The following UNC5D variants were observed in gnomAD, a reference collection of about 807,000 sequenced individuals.
UNC5D encodes unc-5 netrin receptor D, also known as netrin receptor UNC5D.
Under a neutral mutation model 105.4 loss-of-function variants are expected in UNC5D, and 39 were observed. That is an observed-to-expected ratio of 0.37 (90% CI 0.29 to 0.48). The LOEUF is 0.48. Among genes scored for constraint, UNC5D ranks in the 20% least tolerant of loss-of-function variants. The pLI is 0.98. For synonymous variants in UNC5D, 452 were observed against 450.4 expected, an observed-to-expected ratio of 1.00 and a Z score of -0.04; for missense variants, 991 against 1,202.4, an observed-to-expected ratio of 0.82 and a Z score of 2.60.
chr8:35,472,562 AC>A (rs1809806730), intron 1 of UNC5D, among the ~76,000 whole-genome samples: 1 of 152,198 alleles, frequency 6.6e-6, no homozygotes, highest in Non-Finnish European at 1.5e-5. Flanking sequence ...ATGATAGCAC[AC>A]TTATCAGAAG....
At chr8:35,392,698 C>A (rs978459080) in intron 1 of UNC5D, among the ~76,000 whole-genome samples, 10 of 152,130 alleles carry the variant, frequency 6.6e-5, no homozygotes. Context: ...TAAAGTAATA[C>A]TCACAGGTTC....
intron 4 of UNC5D, among the ~76,000 whole-genome samples, chr8:35,609,228 ATCCTTTG>A (rs1178360461): frequency 4.6e-5 from 7 of 152,134 alleles, no homozygotes; most frequent in African/African-American, 2.4e-5. Flanking sequence ...GTATATTCAT[ATCCTTTG>A]CCCAACTCTT....
intron 1 of UNC5D, among the ~76,000 whole-genome samples, chr8:35,444,038 A>G (rs189489925): frequency 5.5e-4 from 84 of 152,194 alleles, no homozygotes; most frequent in South Asian, 1.7e-3. Context: ...GACAGATTAT[A>G]ACACAAGAAT....
intron 1 of UNC5D, among the ~76,000 whole-genome samples, chr8:35,536,403 C>T (rs1020883971): frequency 6.6e-6 from 1 of 152,192 alleles, no homozygotes; most frequent in Non-Finnish European, 1.5e-5. Flanking sequence ...ATGTCTTAGG[C>T]GATTTCCAGA....
At chr8:35,294,543 C>G (rs945545875) in intron 1 of UNC5D, among the ~76,000 whole-genome samples, 5 of 152,054 alleles carry the variant, frequency 3.3e-5, no homozygotes, top group East Asian at 1.9e-4. Flanking sequence ...TCTCTTGAAT[C>G]TTGAATCTAT....
In UNC5D at chr8:35,657,700, G is replaced by T. The variant is rs191626624; in HGVS notation, c.571-25847G>T. On this transcript the variant is annotated intron_variant, in intron 4 of 16. Transcript: ENST00000404895. ...CGAATTTTGTTATATTGCACAACCTGGTCTCAAACTTATGACCTCAAGTGA... is the reference window on the plus strand; with the variant it reads ...CGAATTTTGTTATATTGCACAACCTTGTCTCAAACTTATGACCTCAAGTGA... 3.6e-4 allele frequency among the ~76,000 whole-genome samples: 55 copies of T among 152,130 alleles called. No homozygotes were observed. In the East Asian group the frequency reaches 9.7e-3, roughly 27 times the overall value.
chr8:35,345,481 G>C (rs528958810), intron 1 of UNC5D, among the ~76,000 whole-genome samples: 42 of 151,934 alleles, frequency 2.8e-4, no homozygotes, highest in Non-Finnish European at 5.7e-4. Context: ...AAATACATTT[G>C]AATAACACAT....
At position 35,251,403 on chromosome 8, in the gene UNC5D, C is replaced by T. The variant is rs373471971; in HGVS notation, c.103+15516C>T. 4.3e-3 allele frequency among the ~76,000 whole-genome samples: 660 copies of T among 152,226 alleles called. 9 individuals are homozygous for T. Among genetic ancestry groups the T allele is most frequent in the African/African-American group, 0.015 (606 of 41,518 alleles). Reference sequence around the variant, plus strand: ...CCCCCATGATTCAATTATCTCCCACCGGATCCCTCCCACAACACGTGGGGA... The same window carrying T: ...CCCCCATGATTCAATTATCTCCCACTGGATCCCTCCCACAACACGTGGGGA... On this transcript the variant is annotated intron_variant, in intron 1 of 16. Transcript: ENST00000404895.
intron 1 of UNC5D, among the ~76,000 whole-genome samples, chr8:35,534,596 T>TA (rs1814694127): frequency 6.6e-6 from 1 of 151,676 alleles, no homozygotes; most frequent in Admixed American, 6.6e-5. Flanking sequence ...CAATTCAAAA[T>TA]AGCTCTGTTT....
At chr8:35,626,130 G>T (rs553275986) in intron 4 of UNC5D, among the ~76,000 whole-genome samples, 54 of 151,458 alleles carry the variant, frequency 3.6e-4, no homozygotes, top group African/African-American at 1.2e-3. Flanking sequence ...AGGGGCAGCT[G>T]ACCTCATGTT....
At chr8:35,769,336 A>C (rs572225336) in intron 15 of UNC5D, among the ~76,000 whole-genome samples, 1 of 152,180 alleles carries the variant, frequency 6.6e-6, no homozygotes, top group African/African-American at 2.4e-5. Flanking sequence ...AGTCAAGGCC[A>C]TCTAATGGAT....
At chr8:35,327,701 C>CG (rs1810280094) in intron 1 of UNC5D, among the ~76,000 whole-genome samples, 1 of 152,168 alleles carries the variant, frequency 6.6e-6, no homozygotes, top group South Asian at 2.1e-4. Context: ...GACCCTGGCA[C>CG]GGTCTGCAGT....
chr8:35,252,268 T>G (rs1322200639), intron 1 of UNC5D, among the ~76,000 whole-genome samples: 5 of 152,158 alleles, frequency 3.3e-5, no homozygotes, highest in African/African-American at 1.2e-4. Flanking sequence ...ATATAGTTTT[T>G]AAAAAGTATC....
In UNC5D at chr8:35,235,881, G is replaced by T; in HGVS notation, c.97G>T (p.Ala33Ser). Residue 33 changes from alanine (A) to serine (S), a missense_variant, in exon 1 of 17, where the codon GCC becomes TCC. Transcript: ENST00000404895. Reference protein sequence around the residue: ...LCFWAAGTAAARGTDNGEALP... With the variant: ...LCFWAAGTAASRGTDNGEALP... The stretch of plus-strand genomic sequence containing the variant: ...CTTCTGGGCGGCAGGGACCGCGGCT[G>T]CCCGAGGTAAGCGCTGGGCGGAGCG... 1 of 1,227,852 alleles carries T rather than the reference G, an allele frequency of 8.1e-7. No homozygotes were observed. The highest frequency in any genetic ancestry group is 1.0e-6 in the Non-Finnish European group (1 of 985,628). The allele number at this position is 1,227,852 out of a possible 1,614,324, so 76.1% of individuals were successfully genotyped here. A position where few individuals can be genotyped will look rare whatever the true frequency, so the allele number is the denominator to read the frequency against.
chr8:35,412,531 T>C (rs1805244233), intron 1 of UNC5D, among the ~76,000 whole-genome samples: 1 of 151,732 alleles, frequency 6.6e-6, no homozygotes, highest in Non-Finnish European at 1.5e-5. Flanking sequence ...ATACCACAGG[T>C]TCTTTATGAC....
intron 4 of UNC5D, among the ~76,000 whole-genome samples, chr8:35,667,428 A>G (rs778060230): frequency 3.0e-4 from 45 of 152,170 alleles, no homozygotes; most frequent in Non-Finnish European, 5.7e-4. Context: ...GAGGATCTCA[A>G]TACAGGAAAC....
At chr8:35,350,635 T>C (rs941127398) in intron 1 of UNC5D, among the ~76,000 whole-genome samples, 1 of 152,058 alleles carries the variant, frequency 6.6e-6, no homozygotes, top group African/African-American at 2.4e-5. Flanking sequence ...ATACTGGTGG[T>C]CCAAATGATT....
At chr8:35,435,799 G>A (rs1188197886) in intron 1 of UNC5D, among the ~76,000 whole-genome samples, 5 of 151,998 alleles carry the variant, frequency 3.3e-5, no homozygotes, top group Non-Finnish European at 7.4e-5. Flanking sequence ...AGTGTTCAAA[G>A]TTTCCTCTAA....
At chr8:35,426,509 A>G (rs1051963055) in intron 1 of UNC5D, among the ~76,000 whole-genome samples, 1 of 152,200 alleles carries the variant, frequency 6.6e-6, no homozygotes, top group African/African-American at 2.4e-5. Context: ...GAAACTAGGT[A>G]TCTTTGCTCT....
Sources: allele counts gnomAD v4.1 joint callset (sites outside exome capture counted in the v4.1 genomes callset), GRCh38; gene constraint gnomAD v4.1.1; transcripts MANE v1.5; gene names NCBI Gene and HGNC (gene_info 2026-07-23, HGNC 2026-07-21).